The following ANO2 variants were observed in gnomAD, a reference collection of about 807,000 sequenced individuals.
ANO2 encodes anoctamin 2.
ANO2 carries 101 observed loss-of-function variants against 124.2 expected under a neutral mutation model. The observed-to-expected ratio is 0.81, with a 90% CI of 0.69 to 0.96. ANO2 has a LOEUF of 0.96. Ranked by LOEUF, ANO2 falls within the 40% of genes least tolerant of loss-of-function variation. ANO2 has a pLI of 0.00. For synonymous variants in ANO2, 486 were observed against 482.5 expected (o/e 1.01, Z -0.09); for missense variants, 1,293 against 1,274.5 (o/e 1.01, Z -0.22).
chr12:5,675,893 G>A (rs978662318), intron 14 of ANO2, among the ~76,000 whole-genome samples: 9 of 152,082 alleles, frequency 5.9e-5, no homozygotes, highest in African/African-American at 1.9e-4. Context: ...CCAGTTGTAC[G>A]GCCCTTCTGA....
chr12:5,844,146 T>A (rs1954609593), intron 4 of ANO2, among the ~76,000 whole-genome samples: 1 of 152,186 alleles, frequency 6.6e-6, no homozygotes, highest in Non-Finnish European at 1.5e-5. Context: ...CAGAATATTC[T>A]AGGACTAAGG....
chr12:5,585,899 T>C (rs1269852444), intron 20 of ANO2, among the ~76,000 whole-genome samples: 3 of 152,090 alleles, frequency 2.0e-5, no homozygotes, highest in Admixed American at 6.5e-5. Context: ...TAAAATTAGG[T>C]TTATAGGATT....
intron 3 of ANO2, among the ~76,000 whole-genome samples, chr12:5,883,767 A>G (rs1938684838): frequency 6.6e-6 from 1 of 152,136 alleles, no homozygotes. Flanking sequence ...CTTTGCTGAG[A>G]TGACTGATCT....
chr12:5,788,088 A>G (rs1253916066), intron 10 of ANO2, among the ~76,000 whole-genome samples: 3 of 152,164 alleles, frequency 2.0e-5, no homozygotes, highest in African/African-American at 4.8e-5. Flanking sequence ...GAAGTACTTC[A>G]TGTTTTCCTT....
chr12:5,927,243 T>C (rs1162060336), intron 1 of ANO2, among the ~76,000 whole-genome samples: 3 of 152,192 alleles, frequency 2.0e-5, no homozygotes, highest in African/African-American at 7.2e-5. Flanking sequence ...GACCACACAT[T>C]TTTTAATCCT....
At chr12:5,718,532 C>G (rs985533832) in intron 14 of ANO2, among the ~76,000 whole-genome samples, 1 of 152,188 alleles carries the variant, frequency 6.6e-6, no homozygotes, top group African/African-American at 2.4e-5. Flanking sequence ...GTAGAAAGAA[C>G]AAAGGAGGTG....
intron 16 of ANO2, among the ~76,000 whole-genome samples, chr12:5,620,068 G>A (rs1269461912): frequency 6.6e-6 from 1 of 152,252 alleles, no homozygotes; most frequent in African/African-American, 2.4e-5. Context: ...GAGAGAAACA[G>A]TGTTTGAGTG....
rs966290758 is a variant in ANO2 at position 5,900,130 on chromosome 12, G to C, written c.534+20910C>G. ...GTTCCCCTGTCACCCAAGTTCTGATGGTCTCTCATAAGCAGTATCCAACTC... is the reference window on the plus strand; with the variant it reads ...GTTCCCCTGTCACCCAAGTTCTGATCGTCTCTCATAAGCAGTATCCAACTC... On this transcript the variant is annotated intron_variant, in intron 3 of 24. Transcript: ENST00000682330. The surrounding 1 kb of genome is among the most constrained non-coding windows in gnomAD (Gnocchi z 4.2). Among the ~76,000 whole-genome samples the C allele has an allele frequency of 2.6e-5, 4 of 152,110 alleles. No individual in the cohort carries two copies. In the South Asian group the frequency reaches 6.2e-4, roughly 24 times the overall value.
intron 14 of ANO2, among the ~76,000 whole-genome samples, chr12:5,669,364 T>C (rs1284965233): frequency 7.9e-5 from 12 of 152,084 alleles, no homozygotes; most frequent in African/African-American, 2.9e-4. Flanking sequence ...TGTATAGGAA[T>C]GTTTGTGACT....
At chr12:5,793,300 A>G (rs1001401641) in intron 10 of ANO2, among the ~76,000 whole-genome samples, 3 of 152,094 alleles carry the variant, frequency 2.0e-5, no homozygotes, top group Non-Finnish European at 2.9e-5. Context: ...AAGAAAAATC[A>G]AGCAGAGGCT....
intron 3 of ANO2, among the ~76,000 whole-genome samples, chr12:5,868,663 T>C (rs1261160333): frequency 6.6e-6 from 1 of 152,168 alleles, no homozygotes; most frequent in African/African-American, 2.4e-5. Flanking sequence ...TGGGGCATTT[T>C]CTCCCCCTCT....
intron 6 of ANO2, among the ~76,000 whole-genome samples, chr12:5,830,183 CT>C (rs200574873): frequency 9.2e-5 from 14 of 152,002 alleles, no homozygotes; most frequent in Non-Finnish European, 1.8e-4. Context: ...CTCTGTTTTT[CT>C]TTTTTTTCTA....
intron 1 of ANO2, among the ~76,000 whole-genome samples, chr12:5,943,506 C>T (rs1175294214): frequency 6.6e-6 from 1 of 151,846 alleles, no homozygotes; most frequent in Non-Finnish European, 1.5e-5. Context: ...GGGGACTCAG[C>T]GGGTAAGGGT....
intron 14 of ANO2, among the ~76,000 whole-genome samples, chr12:5,648,460 C>A (rs1325504478): frequency 3.3e-5 from 5 of 152,176 alleles, no homozygotes; most frequent in African/African-American, 1.2e-4. Context: ...GAATCCTACC[C>A]TTTTCCCCTC....
chr12:5,900,597 T>A lies in ANO2; in HGVS notation c.534+20443A>T, dbSNP rs1940125077. 1.7e-5 allele frequency among the ~76,000 whole-genome samples: 1 copy of A among 59,986 alleles called. No homozygotes were observed. The highest frequency in any genetic ancestry group is 3.3e-5 in the Non-Finnish European group (1 of 30,676). 39.4% of individuals were successfully genotyped at this position (59,986 alleles called of 152,430 possible). ...ACAACAACAAAAAACTAAAGTGAAC[T>A]CTCCCTTTAAAAAAAAAACATGGGG... is the stretch of plus-strand genomic sequence containing the variant. On this transcript the variant is annotated intron_variant, in intron 3 of 24. Coordinates refer to ENST00000682330, the MANE Select transcript of ANO2 (RefSeq NM_001364791.2). This position sits in a 1 kb window ranked among gnomAD's most constrained non-coding sequence, Gnocchi z 4.2.
At chr12:5,691,327 C>CAAAAAAAA (rs60573302) in intron 14 of ANO2, among the ~76,000 whole-genome samples, 13 of 86,972 alleles carry the variant, frequency 1.5e-4, no homozygotes, top group East Asian at 2.8e-4. Flanking sequence ...GACTCCATCT[C>CAAAAAAAA]AAAAAAAAAA....
chr12:5,858,626 A>G (rs1955178316), intron 3 of ANO2: 1 of 152,224 alleles, frequency 6.6e-6, no homozygotes, highest in African/African-American at 2.4e-5. Flanking sequence ...TTATCTGAAT[A>G]AGGAGGATGA....
At chr12:5,710,359 C>T (rs549833144) in intron 14 of ANO2, among the ~76,000 whole-genome samples, 5 of 152,344 alleles carry the variant, frequency 3.3e-5, no homozygotes, top group African/African-American at 1.2e-4. Context: ...ACACTTAAGC[C>T]TCTTGTAAAT....
chr12:5,581,846 C>T (rs1291940977), intron 20 of ANO2, among the ~76,000 whole-genome samples: 7 of 152,182 alleles, frequency 4.6e-5, no homozygotes, highest in South Asian at 2.1e-4. Context: ...TCTCTGCAGA[C>T]GCCCCATTGC....
Sources: allele counts gnomAD v4.1 joint callset (sites outside exome capture counted in the v4.1 genomes callset), GRCh38; gene constraint gnomAD v4.1.1; non-coding constraint Gnocchi (gnomAD v3.1); transcripts MANE v1.5; gene names NCBI Gene and HGNC (gene_info 2026-07-23, HGNC 2026-07-21).